Variants in STUB1 observed in about 807,000 individuals in gnomAD.
STUB1 encodes STIP1 homology and U-box containing protein 1, also known as E3 ubiquitin-protein ligase CHIP.
STUB1 carries 37 observed loss-of-function variants against 40.3 expected under a neutral mutation model. That is an observed-to-expected ratio of 0.92 (90% confidence interval 0.71 to 1.21). The LOEUF (loss-of-function observed/expected upper bound fraction) is 1.21, where lower values mean the gene tolerates loss of function less well. Ranked by LOEUF, STUB1 falls within the 50% of genes most tolerant of loss-of-function variation. The probability of loss-of-function intolerance (pLI) is 0.00; values close to 1 mark genes in which losing one functional copy is unlikely to be tolerated. For missense variants in STUB1, 460 were observed against 421.9 expected, an observed-to-expected ratio of 1.09 and a Z score of -0.79; for synonymous variants, 246 against 171.9, an observed-to-expected ratio of 1.43 and a Z score of -3.37.
Position 681,268 on chromosome 16 carries a change from G to A in STUB1, c.276G>A (p.Gln92=), listed in dbSNP as rs748347206. The A allele has an allele frequency of 1.9e-6, 3 of 1,612,870 alleles. No individual in the cohort carries two copies. Among genetic ancestry groups the A allele is most frequent in the Non-Finnish European group, 1.7e-6 (2 of 1,179,984 alleles). The change falls in exon 2 of 7, where the codon CAG becomes CAA. Residue 92 remains glutamine (Q), a synonymous_variant. Transcript: ENST00000219548. ...DCRRALELDG[Q]SVKAHFFLGQ... is the part of the protein sequence containing the mutation. The stretch of plus-strand genomic sequence containing the variant: ...GGCGCGCCCTGGAGCTGGACGGGCA[G>A]TCTGTGAAGGCGCACTTCTTCCTGG...
chr16:681,695 C>T, intron 3 of STUB1, 92 bp downstream of exon 3: 2 of 1,555,014 alleles, frequency 1.3e-6, no homozygotes, highest in Non-Finnish European at 8.7e-7. Flanking sequence ...TACTGGCAAG[C>T]AGGAAATGTG....
In STUB1 at chr16:681,356, C is replaced by G; in HGVS notation, c.358+6C>G. On this transcript the variant is annotated splice_donor_region_variant and intron_variant, in intron 2 of 6. Transcript: ENST00000219548. ...CATCGCCAATCTGCAGCGAGGTTGGCTGACAAGCTGCCCGGTTGTGGGGCC... is the reference window on the plus strand; with the variant it reads ...CATCGCCAATCTGCAGCGAGGTTGGGTGACAAGCTGCCCGGTTGTGGGGCC... The G allele has an allele frequency of 6.2e-7, 1 of 1,612,588 alleles. No homozygotes were observed. Among genetic ancestry groups the G allele is most frequent in the Non-Finnish European group, 8.5e-7 (1 of 1,179,784 alleles).
intron 3 of STUB1, 89 bp from the exon 4 acceptor site, chr16:681,704 T>C (rs2039660050): frequency 1.3e-6 from 2 of 1,551,186 alleles, no homozygotes; most frequent in Non-Finnish European, 1.7e-6. Flanking sequence ...GCAGGAAATG[T>C]GGGGAAGTGT....
intron 5 of STUB1, 40 bp from the exon 6 acceptor site, chr16:682,125 G>C: frequency 6.3e-7 from 1 of 1,589,300 alleles, no homozygotes; most frequent in Non-Finnish European, 8.6e-7. Context: ...CTCGTGCAGT[G>C]CCCCTTTTCA....
intron 2 of STUB1, 35 bp from the exon 3 acceptor site, chr16:681,403 T>C (rs757349037): frequency 6.2e-7 from 1 of 1,611,206 alleles, no homozygotes; most frequent in Non-Finnish European, 8.5e-7. Context: ...GCGGGTGGAC[T>C]GGCCAGAGAG....
Position 682,751 on chromosome 16 carries a change from G to A in STUB1, c.*262G>A, listed in dbSNP as rs1237920718. 1 of 1,593,164 alleles carries A rather than the reference G, an allele frequency of 6.3e-7. No individual in the cohort carries two copies. The highest frequency in any genetic ancestry group is 1.3e-5 in the African/African-American group (1 of 74,612). ...TAATAAAATCCGTGAGCACGAGGTG[G>A]GACGTGCTGGTGTGTGACCGGCAGT... On this transcript the variant is annotated 3_prime_UTR_variant, in exon 7 of 7. Transcript: ENST00000219548.
In STUB1 at chr16:682,573, C is replaced by A; in HGVS notation, c.*84C>A. ...CCCTATACATAGTTTATGTTCCTGG[C>A]CACCCCGACCGCTTCCCCCAAGTTC... On this transcript the variant is annotated 3_prime_UTR_variant, in exon 7 of 7. Transcript: ENST00000219548. The A allele has an allele frequency of 6.4e-7, 1 of 1,567,938 alleles. No homozygotes were observed. Among genetic ancestry groups the A allele is most frequent in the Non-Finnish European group, 8.7e-7 (1 of 1,151,098 alleles).
Position 682,540 on chromosome 16 carries a change from C to G in STUB1, c.*51C>G. On this transcript the variant is annotated 3_prime_UTR_variant, in exon 7 of 7. Coordinates refer to ENST00000219548, the MANE Select transcript of STUB1 (RefSeq NM_005861.4). ...GGTCCAGGGGAGCCCTGGGCAGAAG[C>G]CCCCGGCCCCTATACATAGTTTATG... 6.2e-7 allele frequency: 1 copy of G among 1,607,724 alleles called. No individual in the cohort carries two copies. Among genetic ancestry groups the G allele is most frequent in the African/African-American group, 1.3e-5 (1 of 74,952 alleles).
Position 681,998 on chromosome 16 carries a change from C to A in STUB1, c.613-22C>A, listed in dbSNP as rs772469244. ...AGGGAGGTGGGGTGTCTCCCCCAAG[C>A]ACAGCACTCAACTCTTCACAGGACA... On this transcript the variant is annotated intron_variant, in intron 4 of 6. Coordinates refer to ENST00000219548, the MANE Select transcript of STUB1 (RefSeq NM_005861.4). 1.1e-5 allele frequency: 17 copies of A among 1,611,286 alleles called. No homozygotes were observed. In the East Asian group the frequency reaches 3.3e-4, roughly 32 times the overall value.
At chr16:681,054 T>C (rs2039642171) in intron 1 of STUB1, 98 bp from the exon 2 acceptor site, 1 of 1,277,290 alleles carries the variant, frequency 7.8e-7, no homozygotes, top group Non-Finnish European at 1.1e-6. Context: ...CCTAGTTTCT[T>C]GATTCTAGCC....
Position 682,230 on chromosome 16 carries a change from C to CA in STUB1, c.736dup (p.Thr246AsnfsTer23). The CA allele has an allele frequency of 5.6e-6, 9 of 1,613,122 alleles. No individual in the cohort carries two copies. The highest frequency in any genetic ancestry group is 6.8e-6 in the Non-Finnish European group (8 of 1,180,002). On this transcript the variant is annotated frameshift_variant, in exon 6 of 7. Transcript: ENST00000219548. LOFTEE classifies it high-confidence loss of function. ...TTGAGCTGATGCGGGAGCCGTGCAT[C>CA]ACGCCCAGTGGCATCACCTACGACC...
At position 680,857 on chromosome 16, in the gene STUB1, C is replaced by T; in HGVS notation, c.159+173C>T. 1.5e-6 allele frequency: 1 copy of T among 645,804 alleles called. No homozygotes were observed. 40.0% of individuals were successfully genotyped at this position (645,804 alleles called of 1,614,324 possible). A position where few individuals can be genotyped will look rare whatever the true frequency, so the allele number is the denominator to read the frequency against. ...GGTGCCGGAGAACGAGGGTGCGATG[C>T]TGGATGGAGGCCGGCCGGGTGGGGG... On this transcript the variant is annotated intron_variant, in intron 1 of 6. Transcript: ENST00000219548. This position sits in a 1 kb window ranked among gnomAD's most constrained non-coding sequence, Gnocchi z 4.9.
At chr16:681,081 G>T (rs539226943) in intron 1 of STUB1, 71 bp from the exon 2 acceptor site, 5 of 1,447,870 alleles carry the variant, frequency 3.5e-6, no homozygotes, top group Non-Finnish European at 4.7e-6. Flanking sequence ...CAGAAGCTGG[G>T]ACGGGCCGTG....
Position 682,711 on chromosome 16 carries a change from C to T in STUB1, c.*222C>T, listed in dbSNP as rs1415829042. On this transcript the variant is annotated 3_prime_UTR_variant, in exon 7 of 7. Coordinates refer to ENST00000219548, the MANE Select transcript of STUB1 (RefSeq NM_005861.4). ...AGGGTGGGCTGGGCTGAGGCCATTG[C>T]CGCCACTATCTGTGTAATAAAATCC... The T allele has an allele frequency of 1.5e-5, 23 of 1,512,438 alleles. No individual in the cohort carries two copies. The Admixed American group carries it at 4.1e-4, about 27-fold the overall frequency. 93.7% of individuals were successfully genotyped at this position (1,512,438 alleles called of 1,614,324 possible).
At chr16:681,108 C>G (rs1424547400) in intron 1 of STUB1, 44 bp from the exon 2 acceptor site, 4 of 1,524,284 alleles carry the variant, frequency 2.6e-6, no homozygotes, top group East Asian at 2.5e-5. Context: ...AGTGGGCACG[C>G]TGAGCCTACG....
chr16:681,372 T>C, intron 2 of STUB1, 22 bp downstream of exon 2: 6 of 1,611,954 alleles, frequency 3.7e-6, no homozygotes, highest in Non-Finnish European at 4.2e-6. Flanking sequence ...AGCTGCCCGG[T>C]TGTGGGGCCT....
intron 3 of STUB1, 35 bp from the exon 4 acceptor site, chr16:681,758 G>C (rs746632213): frequency 6.4e-7 from 1 of 1,570,572 alleles, no homozygotes; most frequent in African/African-American, 1.3e-5. Flanking sequence ...CATCTGGCCA[G>C]GTCCATCTCT....
At chr16:681,692 A>C in intron 3 of STUB1, 89 bp downstream of exon 3, 1 of 1,556,952 alleles carries the variant, frequency 6.4e-7, no homozygotes. Flanking sequence ...CTTTACTGGC[A>C]AGCAGGAAAT....
intron 5 of STUB1, 25 bp from the exon 6 acceptor site, chr16:682,140 C>T (rs764254494): frequency 6.3e-7 from 1 of 1,595,094 alleles, no homozygotes; most frequent in South Asian, 1.1e-5. Context: ...TTTTCAGCCT[C>T]TGACCGTGTG....
Sources: gnomAD v4.1 joint callset for allele counts on GRCh38, gnomAD v4.1.1 for gene constraint, Gnocchi (gnomAD v3.1) non-coding constraint, MANE v1.5 for transcripts, NCBI Gene and HGNC (gene_info 2026-07-23, HGNC 2026-07-21) for gene names.